Variants in NPSR1 observed in about 807,000 individuals in gnomAD.
NPSR1 encodes neuropeptide S receptor.
In NPSR1, 48 loss-of-function variants were observed where a neutral mutation model predicts 46.9. The ratio of observed to expected loss-of-function variants is 1.02; its 90% confidence interval spans 0.81 to 1.30. The LOEUF is 1.30. Ranked by LOEUF, NPSR1 falls within the 50% of genes most tolerant of loss-of-function variation. The pLI, the probability that NPSR1 is intolerant of heterozygous loss-of-function variation, is 0.00. For synonymous variants in NPSR1, 176 were observed against 168.1 expected (o/e 1.05, Z -0.36); for missense variants, 450 against 449.5 (o/e 1.00, Z -0.01).
At chr7:34,854,675 G>T (rs1442026000), downstream of NPSR1, among the ~76,000 whole-genome samples, 1 of 152,190 alleles carries the variant, frequency 6.6e-6, no homozygotes, top group Non-Finnish European at 1.5e-5. Context: ...TTTAAAAGTT[G>T]TCAGAACTAT....
intron 2 of NPSR1, among the ~76,000 whole-genome samples, chr7:34,759,832 A>G (rs1426913026): frequency 1.3e-5 from 2 of 152,212 alleles, no homozygotes; most frequent in Non-Finnish European, 2.9e-5. Context: ...TACTTCTGGC[A>G]TTTAGTAAGC....
chr7:34,858,601 G>C (rs1441231246), intron 8 of NPSR1, among the ~76,000 whole-genome samples: 1 of 151,824 alleles, frequency 6.6e-6, no homozygotes, highest in Admixed American at 6.6e-5. Flanking sequence ...GAGGTTTATT[G>C]GACTTACAGT....
chr7:34,796,140 G>C (rs1169511418), intron 3 of NPSR1, among the ~76,000 whole-genome samples: 1 of 152,038 alleles, frequency 6.6e-6, no homozygotes, highest in Non-Finnish European at 1.5e-5. Context: ...AAATACAATG[G>C]AGAAAAGGTC....
chr7:34,767,246 A>C (rs1786478310), intron 2 of NPSR1, among the ~76,000 whole-genome samples: 1 of 152,224 alleles, frequency 6.6e-6, no homozygotes, highest in African/African-American at 2.4e-5. Flanking sequence ...TAGAGCGTAC[A>C]TGGGAAACTT....
Position 34,849,585 on chromosome 7 carries a change from C to T in NPSR1, c.1046C>T (p.Ser349Phe), listed in dbSNP as rs368052535. The T allele has an allele frequency of 6.2e-6, 10 of 1,614,030 alleles. No individual in the cohort carries two copies. The African/African-American group carries it at 1.1e-4, about 17-fold the overall frequency. ...TCCAGGGAGCAAAGATCACAGGATTCCAGAATGACGTTCCGGGAGAGAACT... is the reference window on the plus strand; with the variant it reads ...TCCAGGGAGCAAAGATCACAGGATTTCAGAATGACGTTCCGGGAGAGAACT... ...FPCREQRSQD[S>F]RMTFRERTER... is the part of the protein sequence containing the mutation. Residue 349 changes from serine to phenylalanine, a missense_variant, in exon 9 of 9, where the codon TCC becomes TTC. By Grantham distance (155) the Ser-to-Phe change is radical (BLOSUM62 -2). Transcript: ENST00000360581.
At chr7:34,687,201 C>G (rs1159697302) in intron 2 of NPSR1, among the ~76,000 whole-genome samples, 3 of 151,564 alleles carry the variant, frequency 2.0e-5, no homozygotes, top group African/African-American at 4.8e-5. Context: ...AAAAAAGAAC[C>G]CTGGAACTAG....
intron 2 of NPSR1, chr7:34,751,905 C>T (rs548064851): frequency 3.2e-4 from 475 of 1,475,252 alleles, no homozygotes; most frequent in Middle Eastern, 1.2e-3. Context: ...GACCGTCTCC[C>T]GCAGTCACTC....
chr7:34,819,839 C>A (rs1012283623), intron 4 of NPSR1, among the ~76,000 whole-genome samples: 4 of 152,202 alleles, frequency 2.6e-5, no homozygotes, highest in Admixed American at 6.5e-5. Context: ...CCAAACACTG[C>A]ATGTTCTCAC....
intron 2 of NPSR1, among the ~76,000 whole-genome samples, chr7:34,740,484 T>G (rs910299948): frequency 2.6e-5 from 4 of 151,882 alleles, no homozygotes; most frequent in Non-Finnish European, 5.9e-5. Flanking sequence ...CTTGTAGCCT[T>G]TTCCCAGTGC....
At chr7:34,673,143 T>C (rs932953297) in intron 1 of NPSR1, among the ~76,000 whole-genome samples, 13 of 152,142 alleles carry the variant, frequency 8.5e-5, no homozygotes, top group Admixed American at 2.6e-4. Flanking sequence ...CATGACCAGC[T>C]CCTCCCCAGG....
At chr7:34,791,850 C>T (rs1787897057) in intron 3 of NPSR1, among the ~76,000 whole-genome samples, 1 of 152,014 alleles carries the variant, frequency 6.6e-6, no homozygotes, top group Non-Finnish European at 1.5e-5. Flanking sequence ...TGAAGGCAGA[C>T]ATATAGACAG....
chr7:34,756,430 C>A (rs578233303), intron 2 of NPSR1, among the ~76,000 whole-genome samples: 1 of 152,246 alleles, frequency 6.6e-6, no homozygotes, highest in African/African-American at 2.4e-5. Flanking sequence ...ATGGAAAGAG[C>A]AGGGGTCTAA....
chr7:34,842,028 G>C (rs1385892195), intron 6 of NPSR1, among the ~76,000 whole-genome samples: 16 of 152,178 alleles, frequency 1.1e-4, no homozygotes, highest in African/African-American at 3.9e-4. Flanking sequence ...AATACCTTCT[G>C]TTCACTTTCA....
chr7:34,683,329 C>A (rs896419694), intron 1 of NPSR1, among the ~76,000 whole-genome samples: 3 of 151,724 alleles, frequency 2.0e-5, no homozygotes, highest in Non-Finnish European at 4.4e-5. Context: ...TGCCTGTAGT[C>A]CCAGCTACTT....
At chr7:34,845,281 G>A (rs1790702261) in intron 7 of NPSR1, among the ~76,000 whole-genome samples, 1 of 152,156 alleles carries the variant, frequency 6.6e-6, no homozygotes, top group African/African-American at 2.4e-5. Flanking sequence ...AGCTAACTCA[G>A]TCACTTCCTT....
chr7:34,826,226 G>T (rs1789829181), intron 4 of NPSR1, among the ~76,000 whole-genome samples: 1 of 152,140 alleles, frequency 6.6e-6, no homozygotes, highest in Admixed American at 6.5e-5. Flanking sequence ...ACTCCTGCTT[G>T]CTCAGTGGGC....
intron 8 of NPSR1, among the ~76,000 whole-genome samples, chr7:34,870,917 T>G (rs1791439127): frequency 6.6e-6 from 1 of 150,532 alleles, no homozygotes; most frequent in Non-Finnish European, 1.5e-5. Flanking sequence ...GATGGATGGA[T>G]AGATGGATGG....
intron 2 of NPSR1, chr7:34,723,179 G>A (rs35147375): frequency 6.5e-6 from 1 of 152,676 alleles, no homozygotes; most frequent in Non-Finnish European, 1.5e-5. Flanking sequence ...TCTCTGTTAT[G>A]TGCCTCATTT....
At chr7:34,869,616 C>T (rs923822604) in intron 8 of NPSR1, among the ~76,000 whole-genome samples, 2 of 151,810 alleles carry the variant, frequency 1.3e-5, no homozygotes, top group East Asian at 3.9e-4. Flanking sequence ...CGAAAGTCTA[C>T]ACACATTATA....
Sources: allele counts gnomAD v4.1 joint callset (sites outside exome capture counted in the v4.1 genomes callset), GRCh38; gene constraint gnomAD v4.1.1; transcripts MANE v1.5; gene names NCBI Gene and HGNC (gene_info 2026-07-23, HGNC 2026-07-21).